KLHL20: variants seen among roughly 807,000 people sequenced by gnomAD.
The protein encoded by KLHL20 is kelch-like protein 20.
KLHL20 carries 29 observed loss-of-function variants against 69.5 expected under a neutral mutation model. The observed-to-expected ratio is 0.42, with a 90% CI of 0.31 to 0.57. The LOEUF (loss-of-function observed/expected upper bound fraction) is 0.57. Among genes scored for constraint, KLHL20 ranks in the 20% least tolerant of loss-of-function variants. KLHL20 has a pLI of 0.18. For synonymous variants in KLHL20, 253 were observed against 265.2 expected (o/e 0.95, Z 0.45); for missense variants, 419 against 776.0 (o/e 0.54, Z 5.47).
chr1:173,785,015 A>C (rs565423372), intron 11 of KLHL20, 148 bp from the exon 12 acceptor site: 3 of 578,046 alleles, frequency 5.2e-6, no homozygotes, highest in Non-Finnish European at 8.8e-6. Flanking sequence ...AATCTTTAGA[A>C]TGAAGACAAT....
chr1:173,754,716 TTAAAAG>T (rs771820285), intron 5 of KLHL20, among the ~76,000 whole-genome samples: 4 of 152,114 alleles, frequency 2.6e-5, no homozygotes, highest in African/African-American at 7.2e-5. Flanking sequence ...CCCTCCTCCA[TTAAAAG>T]TAAATCAGAT....
At position 173,730,695 on chromosome 1, in the gene KLHL20, A is replaced by C. The variant is rs528376596; in HGVS notation, c.24-3018A>C. Among the ~76,000 whole-genome samples the C allele has an allele frequency of 8.3e-4, 126 of 152,322 alleles. 2 individuals are homozygous for C. In the South Asian group the frequency reaches 0.021, roughly 25 times the overall value. On this transcript the variant is annotated intron_variant, in intron 2 of 11. Coordinates refer to ENST00000209884, the MANE Select transcript of KLHL20 (RefSeq NM_014458.4). ...TAGAAACCTGAAACTGGATCCCTTCATTACACCTTATACAAAAATTAATTC... is the reference window on the plus strand; with the variant it reads ...TAGAAACCTGAAACTGGATCCCTTCCTTACACCTTATACAAAAATTAATTC...
chr1:173,753,191 A>T (rs973558163), intron 4 of KLHL20, 22 bp from the exon 5 acceptor site: 1 of 1,581,610 alleles, frequency 6.3e-7, no homozygotes. Flanking sequence ...TAATTAAAAT[A>T]ATGGTGTTTA....
intron 10 of KLHL20, among the ~76,000 whole-genome samples, chr1:173,777,990 ATTC>A (rs1198346189): frequency 1.3e-5 from 2 of 152,136 alleles, no homozygotes; most frequent in African/African-American, 4.8e-5. Flanking sequence ...ATTAGTATTA[ATTC>A]TTCTTTAAAT....
chr1:173,774,984 T>C (rs1042730190), intron 9 of KLHL20, among the ~76,000 whole-genome samples: 3 of 152,146 alleles, frequency 2.0e-5, no homozygotes, highest in Non-Finnish European at 4.4e-5. Context: ...CTGATTTTTG[T>C]ATTTTTAGTA....
At chr1:173,764,374 G>T (rs1647536874) in intron 7 of KLHL20, among the ~76,000 whole-genome samples, 1 of 152,124 alleles carries the variant, frequency 6.6e-6, no homozygotes, top group African/African-American at 2.4e-5. Flanking sequence ...CCACTACTGG[G>T]TATCTACTCA....
intron 2 of KLHL20, among the ~76,000 whole-genome samples, chr1:173,728,641 A>T (rs1672097245): frequency 6.6e-6 from 1 of 152,238 alleles, no homozygotes; most frequent in South Asian, 2.1e-4. Context: ...CTCCTGAATG[A>T]CTACTGAGCA....
chr1:173,730,961 A>C (rs1448640115), intron 2 of KLHL20, among the ~76,000 whole-genome samples: 1 of 152,210 alleles, frequency 6.6e-6, no homozygotes, highest in African/African-American at 2.4e-5. Flanking sequence ...AAATTTTTGC[A>C]ATCTACTCAT....
Position 173,775,806 on chromosome 1 carries a change from G to A in KLHL20, c.1602G>A (p.Trp534Ter), listed in dbSNP as rs1228292654. 1.2e-6 allele frequency: 2 copies of A among 1,614,176 alleles called. No individual in the cohort carries two copies. Among genetic ancestry groups the A allele is most frequent in the African/African-American group, 1.3e-5 (1 of 75,040 alleles). ...AERYNPRTNQ[W>*]SPVVAMTSRR... ...GATACAACCCCAGAACCAACCAGTGGTCTCCAGTGGTGGCCATGACATCAC... is the reference window on the plus strand; with the variant it reads ...GATACAACCCCAGAACCAACCAGTGATCTCCAGTGGTGGCCATGACATCAC... Residue 534 changes from tryptophan to a stop codon, truncating the protein, a stop_gained, in exon 10 of 12, where the codon TGG (tryptophan) becomes TGA (stop). Transcript: ENST00000209884. LOFTEE classifies it high-confidence loss of function.
chr1:173,773,508 C>CTT (rs1648244527), intron 8 of KLHL20, among the ~76,000 whole-genome samples: 2 of 151,490 alleles, frequency 1.3e-5, no homozygotes, highest in African/African-American at 4.8e-5. Context: ...AGGGATGGCA[C>CTT]TTTCTGTATT....
intron 8 of KLHL20, among the ~76,000 whole-genome samples, chr1:173,767,876 A>T (rs547504594): frequency 6.6e-6 from 1 of 152,266 alleles, no homozygotes; most frequent in Non-Finnish European, 1.5e-5. Context: ...GCCATGCAGA[A>T]GCCTTTTTGT....
At chr1:173,725,938 C>T (rs906245672) in intron 2 of KLHL20, among the ~76,000 whole-genome samples, 17 of 152,342 alleles carry the variant, frequency 1.1e-4, no homozygotes, top group East Asian at 7.7e-4. Context: ...TGAGCCAAAG[C>T]AGGGCGAGGC....
intron 7 of KLHL20, among the ~76,000 whole-genome samples, chr1:173,757,851 G>A (rs1673621149): frequency 6.6e-6 from 1 of 152,096 alleles, no homozygotes; most frequent in Admixed American, 6.5e-5. Flanking sequence ...GTGTTGAAAT[G>A]TGTTTCACCA....
At chr1:173,726,085 C>T (rs543176065) in intron 2 of KLHL20, among the ~76,000 whole-genome samples, 6 of 152,254 alleles carry the variant, frequency 3.9e-5, no homozygotes, top group South Asian at 2.1e-4. Flanking sequence ...GCAAACGGCA[C>T]GCCAGGAGAT....
At chr1:173,737,005 G>C (rs1360031834) in intron 3 of KLHL20, among the ~76,000 whole-genome samples, 1 of 152,150 alleles carries the variant, frequency 6.6e-6, no homozygotes, top group Non-Finnish European at 1.5e-5. Flanking sequence ...TCATATGTTT[G>C]TTGGCCATTT....
intron 2 of KLHL20, among the ~76,000 whole-genome samples, chr1:173,719,685 G>A (rs968677124): frequency 1.3e-5 from 2 of 150,470 alleles, no homozygotes; most frequent in African/African-American, 2.4e-5. Context: ...TTTTAATTTT[G>A]GTGGACATTG....
chr1:173,735,858 T>C (rs1232875266), intron 3 of KLHL20, among the ~76,000 whole-genome samples: 3 of 152,138 alleles, frequency 2.0e-5, no homozygotes, highest in Non-Finnish European at 4.4e-5. Context: ...CATTTTTGGT[T>C]TTCCATTCCT....
At chr1:173,747,409 G>C (rs1354293489) in intron 3 of KLHL20, among the ~76,000 whole-genome samples, 1 of 151,926 alleles carries the variant, frequency 6.6e-6, no homozygotes, top group East Asian at 1.9e-4. Context: ...GTTCTCCCTT[G>C]TCAGATTTAA....
chr1:173,782,035 T>C lies in KLHL20; in HGVS notation c.1639-89T>C, dbSNP rs1648912768. ...AATGTAAGGCCATAAAGAATTATCT[T>C]TTGTAAATAGATTTATCTAGAAACC... On this transcript the variant is annotated intron_variant, in intron 10 of 11. Transcript: ENST00000209884. 9 of 892,404 alleles carry C rather than the reference T, an allele frequency of 1.0e-5. No homozygotes were observed. In the South Asian group the frequency reaches 1.3e-4, roughly 13 times the overall value. The allele number at this position is 892,404 out of a possible 1,614,324, so 55.3% of individuals were successfully genotyped here. A position where few individuals can be genotyped will look rare whatever the true frequency, so the allele number is the denominator to read the frequency against.
Sources: allele counts gnomAD v4.1 joint callset (sites outside exome capture counted in the v4.1 genomes callset), GRCh38; gene constraint gnomAD v4.1.1; transcripts MANE v1.5; gene names NCBI Gene and HGNC (gene_info 2026-07-23, HGNC 2026-07-21).